Variants in TBX1 observed in about 807,000 individuals in gnomAD.
The protein encoded by TBX1 is T-box transcription factor 1, also known as T-box transcription factor TBX1.
Under a neutral mutation model 40.8 loss-of-function variants are expected in TBX1, and 16 were observed. That is an observed-to-expected ratio of 0.39 (90% confidence interval 0.27 to 0.60). The LOEUF (loss-of-function observed/expected upper bound fraction) is 0.60, where lower values mean the gene tolerates loss of function less well. Ranked by LOEUF, TBX1 falls within the 20% of genes least tolerant of loss-of-function variation. The pLI is 0.51. For synonymous variants in TBX1, 403 were observed against 336.8 expected (o/e 1.20, Z -2.15); for missense variants, 755 against 728.5 (o/e 1.04, Z -0.42).
chr22:19,757,655 C>T (rs1936517135), upstream of TBX1, among the ~76,000 whole-genome samples: 1 of 152,190 alleles, frequency 6.6e-6, no homozygotes, highest in Non-Finnish European at 1.5e-5. Context: ...AATCTGCGGC[C>T]ACCAGCATCC....
Position 19,767,233 on chromosome 22 carries a change from C to T in TBX1, c.*366C>T. ...GCCGGCAGTTGCAGTGTAGACAGCC[C>T]GAGAGCCCCGCCTGCAGGCGGTGTA... On this transcript the variant is annotated 3_prime_UTR_variant, in exon 7 of 7. Transcript: ENST00000649276. 9.4e-7 allele frequency: 1 copy of T among 1,065,222 alleles called. No individual in the cohort carries two copies. Among genetic ancestry groups the T allele is most frequent in the African/African-American group, 1.7e-5 (1 of 59,534 alleles). 66.0% of individuals were successfully genotyped at this position (1,065,222 alleles called of 1,614,324 possible). A position where few individuals can be genotyped will look rare whatever the true frequency, so the allele number is the denominator to read the frequency against.
At chr22:19,765,631 C>T in intron 4 of TBX1, 127 bp from the exon 5 acceptor site, 3 of 1,031,978 alleles carry the variant, frequency 2.9e-6, no homozygotes, top group East Asian at 5.2e-5. Context: ...CAGACGTGGA[C>T]TGGTTCTTGT....
chr22:19,757,439 T>C (rs1365634811), upstream of TBX1, among the ~76,000 whole-genome samples: 1 of 152,152 alleles, frequency 6.6e-6, no homozygotes, highest in Non-Finnish European at 1.5e-5. Context: ...TCACTTTCAC[T>C]TCTCCCTCCT....
At chr22:19,769,942 C>T (rs1392759668), downstream of TBX1, among the ~76,000 whole-genome samples, 1 of 152,272 alleles carries the variant, frequency 6.6e-6, no homozygotes, top group African/African-American at 2.4e-5. Flanking sequence ...CTTCCATCTC[C>T]TTCTTGTTCC....
intron 1 of TBX1, among the ~76,000 whole-genome samples, chr22:19,761,564 C>T: frequency 6.6e-6 from 1 of 151,840 alleles, no homozygotes; most frequent in Admixed American, 6.6e-5. Flanking sequence ...CGCCCGCCCG[C>T]CCCGCAGCCC....
upstream of TBX1, among the ~76,000 whole-genome samples, chr22:19,760,503 G>A (rs912294835): frequency 6.8e-6 from 1 of 146,766 alleles, no homozygotes; most frequent in Non-Finnish European, 1.5e-5. Flanking sequence ...GCACGCGGGC[G>A]GGCGGCAGAG....
At chr22:19,760,680 T>TG (rs1200502207), upstream of TBX1, among the ~76,000 whole-genome samples, 4 of 8,406 alleles carry the variant, frequency 4.8e-4, no homozygotes, top group East Asian at 0.018. Flanking sequence ...CGCGCGGGGG[T>TG]GGGGGGGCCC....
chr22:19,764,406 T>C (rs1444268334), intron 3 of TBX1, 80 bp downstream of exon 3: 1 of 1,563,100 alleles, frequency 6.4e-7, no homozygotes, highest in Admixed American at 1.7e-5. Context: ...AAGAGGCCTG[T>C]AGAATCCCCA....
intron 8 of TBX1, among the ~76,000 whole-genome samples, chr22:19,773,082 A>G (rs1217191189): frequency 6.6e-6 from 1 of 152,228 alleles, no homozygotes; most frequent in African/African-American, 2.4e-5. Context: ...TCCTCCACGG[A>G]TTCAGAGCTT....
intron 8 of TBX1, chr22:19,779,195 C>G (rs560958176): frequency 6.2e-7 from 1 of 1,612,936 alleles, no homozygotes; most frequent in South Asian, 1.1e-5. Context: ...TTCATCCACT[C>G]TCATTGGATG....
At chr22:19,766,039 G>T in intron 6 of TBX1, 37 bp downstream of exon 6, 1 of 1,456,152 alleles carries the variant, frequency 6.9e-7, no homozygotes, top group Non-Finnish European at 9.0e-7. Context: ...TTCCGGCCCT[G>T]TGCGCGCTCT....
Position 19,764,993 on chromosome 22 carries a change from C to T in TBX1, c.747C>T (p.Arg249=). The change falls in exon 4 of 7, where the codon CGC becomes CGT. Residue 249 remains arginine (R), a synonymous_variant. Coordinates refer to ENST00000649276, the MANE Select transcript of TBX1 (RefSeq NM_001379200.1). The stretch of plus-strand genomic sequence containing the variant: ...ATTCCATGCACAGATACCAGCCCCG[C>T]TTCCACGTGGTCTATGTGGACCCAC... The part of the protein sequence containing the change: ...ILNSMHRYQP[R]FHVVYVDPRK... 1 of 1,614,208 alleles carries T rather than the reference C, an allele frequency of 6.2e-7. No individual in the cohort carries two copies. Among genetic ancestry groups the T allele is most frequent in the Non-Finnish European group, 8.5e-7 (1 of 1,180,026 alleles).
At chr22:19,758,348 A>T (rs902737287), upstream of TBX1, among the ~76,000 whole-genome samples, 6 of 152,236 alleles carry the variant, frequency 3.9e-5, no homozygotes, top group Admixed American at 3.9e-4. Flanking sequence ...ACAGAGGCAC[A>T]GAGCTGAGGT....
At chr22:19,760,390 T>C (rs572535966), upstream of TBX1, among the ~76,000 whole-genome samples, 7 of 142,584 alleles carry the variant, frequency 4.9e-5, no homozygotes, top group East Asian at 1.2e-3. Context: ...ACTACAGAGA[T>C]AGGGGAAGAA....
chr22:19,773,826 C>T (rs555196053), intron 8 of TBX1, among the ~76,000 whole-genome samples: 88 of 152,330 alleles, frequency 5.8e-4, no homozygotes, highest in African/African-American at 1.9e-3. Context: ...CCTGAGCTGC[C>T]GAGGGAGATT....
At chr22:19,779,271 C>T (rs1937112992) in exon 9 of TBX1, 2 of 1,614,252 alleles carry the variant, frequency 1.2e-6, no homozygotes, top group Non-Finnish European at 1.7e-6. Context: ...TCTAGGAACA[C>T]ACCAGAGAGA....
chr22:19,769,406 G>C (rs1473312454), downstream of TBX1, among the ~76,000 whole-genome samples: 2 of 152,236 alleles, frequency 1.3e-5, no homozygotes, highest in Non-Finnish European at 2.9e-5. Flanking sequence ...GCCCCCAGAA[G>C]TGTGGGTTTC....
exon 9 of TBX1, chr22:19,779,282 G>A: frequency 6.2e-7 from 1 of 1,614,250 alleles, no homozygotes; most frequent in Non-Finnish European, 8.5e-7. Context: ...ACCAGAGAGA[G>A]AAGTGGAGCT....
downstream of TBX1, chr22:19,782,789 C>T: frequency 7.0e-6 from 11 of 1,560,332 alleles, no homozygotes; most frequent in Non-Finnish European, 9.6e-6. Flanking sequence ...CCTCAGCTGT[C>T]TGTGTTCACT....
Sources: allele counts gnomAD v4.1 joint callset (sites outside exome capture counted in the v4.1 genomes callset), GRCh38; gene constraint gnomAD v4.1.1; transcripts MANE v1.5; gene names NCBI Gene and HGNC (gene_info 2026-07-23, HGNC 2026-07-21).